PPM1L: variants seen among roughly 807,000 people sequenced by gnomAD.
PPM1L encodes protein phosphatase 1L.
A neutral mutation model predicts 31.4 loss-of-function variants in PPM1L; 13 were observed. The observed-to-expected ratio is 0.41, with a 90% confidence interval of 0.27 to 0.66. The LOEUF (loss-of-function observed/expected upper bound fraction) is 0.66. Ranked by LOEUF, PPM1L falls within the 30% of genes least tolerant of loss-of-function variation. PPM1L has a pLI of 0.29. For synonymous variants in PPM1L, 184 were observed against 175.4 expected, an observed-to-expected ratio of 1.05 and a Z score of -0.39; for missense variants, 326 against 453.7, an observed-to-expected ratio of 0.72 and a Z score of 2.56.
rs1396235803 is a variant in PPM1L, at chr3:160,756,652, T to A, written c.344T>A (p.Leu115Gln). The change falls in exon 1 of 4, where the codon CTG becomes CAG. Residue 115 changes from leucine (L) to glutamine (Q), a missense_variant. Physicochemically the swap from Leu to Gln is moderately radical, Grantham distance 113 (BLOSUM62 -2). Coordinates refer to ENST00000498165, the MANE Select transcript of PPM1L (RefSeq NM_139245.4). This position sits in a 1 kb window ranked among gnomAD's most constrained non-coding sequence, Gnocchi z 6.2. ...MEDRFEVLTD[L>Q]ANKTHPSIFG... Reference sequence around the variant, plus strand: ...GACCGCTTCGAAGTTCTCACGGATCTGGCCAACAAGACGCACCCGTCCATC... The same window carrying A: ...GACCGCTTCGAAGTTCTCACGGATCAGGCCAACAAGACGCACCCGTCCATC... 1 of 1,613,986 alleles carries A rather than the reference T, an allele frequency of 6.2e-7. No homozygotes were observed. The highest frequency in any genetic ancestry group is 8.5e-7 in the Non-Finnish European group (1 of 1,180,046).
chr3:160,864,913 C>G (rs1029380306), intron 1 of PPM1L, among the ~76,000 whole-genome samples: 1 of 152,134 alleles, frequency 6.6e-6, no homozygotes, highest in African/African-American at 2.4e-5. Context: ...AATTGGGTAT[C>G]TAAACTTCAG....
At chr3:160,952,449 T>C (rs1337984623) in intron 1 of PPM1L, among the ~76,000 whole-genome samples, 2 of 152,206 alleles carry the variant, frequency 1.3e-5, no homozygotes, top group Non-Finnish European at 1.5e-5. Context: ...TTTCGAAGGA[T>C]TCCCATGATA....
chr3:160,778,506 G>A (rs1711626782), intron 1 of PPM1L, among the ~76,000 whole-genome samples: 1 of 151,934 alleles, frequency 6.6e-6, no homozygotes, highest in South Asian at 2.1e-4. Context: ...TGCGGCTGTG[G>A]GAGAGATAAA....
chr3:160,903,441 G>T (rs1713631113), intron 1 of PPM1L, among the ~76,000 whole-genome samples: 1 of 151,976 alleles, frequency 6.6e-6, no homozygotes, highest in Admixed American at 6.6e-5. Context: ...CCCATATTAT[G>T]GAAAGTAATA....
intron 2 of PPM1L, among the ~76,000 whole-genome samples, chr3:161,013,331 GT>G (rs1272827052): frequency 6.6e-6 from 1 of 152,192 alleles, no homozygotes; most frequent in African/African-American, 2.4e-5. Context: ...TAGTTGAATG[GT>G]TTTGAGTGAG....
intron 2 of PPM1L, among the ~76,000 whole-genome samples, chr3:161,017,128 T>G: frequency 6.6e-6 from 1 of 152,292 alleles, no homozygotes; most frequent in Non-Finnish European, 1.5e-5. Context: ...AGATGATTCA[T>G]AGTCTTCTTT....
At chr3:160,990,171 G>A (rs1433681647) in intron 2 of PPM1L, among the ~76,000 whole-genome samples, 2 of 151,292 alleles carry the variant, frequency 1.3e-5, no homozygotes, top group African/African-American at 2.4e-5. Context: ...TCTTTTTTTT[G>A]TTTGTTTTTT....
intron 1 of PPM1L, among the ~76,000 whole-genome samples, chr3:160,904,815 T>G (rs1713687188): frequency 6.6e-6 from 1 of 152,020 alleles, no homozygotes; most frequent in Non-Finnish European, 1.5e-5. Flanking sequence ...TCTTTCACAA[T>G]ATGAGAATCT....
At chr3:160,839,686 T>A (rs1330927682) in intron 1 of PPM1L, among the ~76,000 whole-genome samples, 1 of 152,210 alleles carries the variant, frequency 6.6e-6, no homozygotes, top group African/African-American at 2.4e-5. Context: ...TAATTATAAC[T>A]TAATAAATTG....
At chr3:161,048,630 C>T (rs1353093100) in intron 2 of PPM1L, among the ~76,000 whole-genome samples, 6 of 152,172 alleles carry the variant, frequency 3.9e-5, no homozygotes, top group Admixed American at 6.5e-5. Flanking sequence ...CACATGCACA[C>T]GTATGTTTAT....
chr3:161,040,232 C>T (rs1456478782), intron 2 of PPM1L, among the ~76,000 whole-genome samples: 2 of 152,128 alleles, frequency 1.3e-5, no homozygotes, highest in Non-Finnish European at 2.9e-5. Context: ...CCATTTCTCT[C>T]GAGTGACACT....
intron 1 of PPM1L, among the ~76,000 whole-genome samples, chr3:160,810,987 C>T (rs1264102071): frequency 1.3e-5 from 2 of 152,056 alleles, no homozygotes; most frequent in African/African-American, 4.8e-5. Flanking sequence ...CTGAAAGAGC[C>T]CATGGTCAGC....
intron 1 of PPM1L, among the ~76,000 whole-genome samples, chr3:160,798,269 A>G (rs552088604): frequency 2.0e-5 from 3 of 152,340 alleles, no homozygotes; most frequent in Admixed American, 1.3e-4. Context: ...AGGTGGCTAC[A>G]CTAAATAACA....
chr3:160,798,489 A>T (rs759096871), intron 1 of PPM1L, among the ~76,000 whole-genome samples: 1 of 152,166 alleles, frequency 6.6e-6, no homozygotes, highest in South Asian at 2.1e-4. Context: ...ATTTTGCTAG[A>T]TCTAGTCTGC....
Position 160,937,280 on chromosome 3 carries a change from A to G in PPM1L, c.400-24456A>G, listed in dbSNP as rs1424724996. Among the ~76,000 whole-genome samples, 3 of 152,320 alleles carry G rather than the reference A, an allele frequency of 2.0e-5. No homozygotes were observed. In the East Asian group the frequency reaches 5.8e-4, roughly 29 times the overall value. Reference sequence around the variant, plus strand: ...ATTTAATAGTCATCTCAGAATTATAACTTTTCTCATTTATCATCCATTTTA... The same window carrying G: ...ATTTAATAGTCATCTCAGAATTATAGCTTTTCTCATTTATCATCCATTTTA... On this transcript the variant is annotated intron_variant, in intron 1 of 3. Transcript: ENST00000498165.
chr3:160,972,780 C>G (rs372289315), intron 2 of PPM1L, among the ~76,000 whole-genome samples: 3,356 of 152,198 alleles, frequency 0.022, 49 homozygotes, highest in Admixed American at 0.03. Context: ...GCCACACTGA[C>G]TTCCACAATG....
intron 1 of PPM1L, among the ~76,000 whole-genome samples, chr3:160,873,559 A>C (rs1167229959): frequency 6.6e-6 from 1 of 151,632 alleles, no homozygotes; most frequent in African/African-American, 2.4e-5. Context: ...TATTATTATT[A>C]TTATTTGAGG....
chr3:160,881,002 T>G (rs1031647891), intron 1 of PPM1L, among the ~76,000 whole-genome samples: 2 of 152,234 alleles, frequency 1.3e-5, no homozygotes, highest in Non-Finnish European at 2.9e-5. Context: ...AGATCTTTGA[T>G]TTTATGGTAA....
chr3:161,056,436 T>C (rs1397199123), intron 2 of PPM1L, among the ~76,000 whole-genome samples: 1 of 152,160 alleles, frequency 6.6e-6, no homozygotes, highest in Non-Finnish European at 1.5e-5. Flanking sequence ...ATGCAGTAAA[T>C]ATGCTACTGA....
Sources: allele counts gnomAD v4.1 joint callset (sites outside exome capture counted in the v4.1 genomes callset), GRCh38; gene constraint gnomAD v4.1.1; non-coding constraint Gnocchi (gnomAD v3.1); transcripts MANE v1.5; gene names NCBI Gene and HGNC (gene_info 2026-07-23, HGNC 2026-07-21).